PYM1: variants seen among roughly 807,000 people sequenced by gnomAD.
PYM1 encodes PYM1 exon junction complex associated factor.
In PYM1, 7 loss-of-function variants were observed where a neutral mutation model predicts 20.7. The observed-to-expected ratio is 0.34, with a 90% CI of 0.19 to 0.64. The LOEUF is 0.64. Ranked by LOEUF, PYM1 falls within the 30% of genes least tolerant of loss-of-function variation. PYM1 has a pLI of 0.74. For missense variants in PYM1, 194 were observed against 250.0 expected, an observed-to-expected ratio of 0.78 and a Z score of 1.51; for synonymous variants, 100 against 99.2, an observed-to-expected ratio of 1.01 and a Z score of -0.05.
intron 1 of PYM1, among the ~76,000 whole-genome samples, chr12:55,912,202 A>T (rs1441519890): frequency 1.3e-5 from 2 of 151,596 alleles, no homozygotes; most frequent in African/African-American, 2.4e-5. Flanking sequence ...AAAAAAAAAA[A>T]TTAGCTGGGC....
intron 1 of PYM1, among the ~76,000 whole-genome samples, chr12:55,911,987 G>C (rs775269914): frequency 5.9e-5 from 9 of 152,158 alleles, no homozygotes; most frequent in Non-Finnish European, 1.0e-4. Context: ...TAGTCCTCAT[G>C]TGGTAGGATC....
intron 1 of PYM1, among the ~76,000 whole-genome samples, chr12:55,906,157 T>C (rs1882812809): frequency 6.6e-6 from 1 of 150,858 alleles, no homozygotes; most frequent in African/African-American, 2.4e-5. Context: ...CAGTGTTTTT[T>C]TTTTTCAAGT....
intron 1 of PYM1, among the ~76,000 whole-genome samples, chr12:55,908,235 T>C (rs750640313): frequency 9.3e-5 from 14 of 150,228 alleles, no homozygotes; most frequent in Non-Finnish European, 1.6e-4. Context: ...AGAGAAAGAC[T>C]CCATCTCAAA....
At chr12:55,916,019 G>GA (rs1421652676) in intron 1 of PYM1, among the ~76,000 whole-genome samples, 3 of 152,182 alleles carry the variant, frequency 2.0e-5, no homozygotes, top group Non-Finnish European at 2.9e-5. Flanking sequence ...TACAGCCAAG[G>GA]AAACAGTCTT....
chr12:55,905,905 A>ATAGATATATATATTATTATATATATCTAT, intron 1 of PYM1, among the ~76,000 whole-genome samples: 1 of 65,920 alleles, frequency 1.5e-5, no homozygotes, highest in South Asian at 4.4e-4. Flanking sequence ...TATATATCTA[A>ATAGATATATATATTATTATATATATCTAT]TAGATATATA....
intron 1 of PYM1, among the ~76,000 whole-genome samples, chr12:55,905,381 C>G (rs1475514542): frequency 6.6e-6 from 1 of 151,724 alleles, no homozygotes; most frequent in Non-Finnish European, 1.5e-5. Flanking sequence ...TGGAAGCTAT[C>G]AAGCTCAGAA....
chr12:55,902,967 C>G (rs1054470457), intron 2 of PYM1, among the ~76,000 whole-genome samples: 5 of 151,842 alleles, frequency 3.3e-5, no homozygotes, highest in African/African-American at 1.2e-4. Flanking sequence ...ATTTTTAGTA[C>G]AGACGGGGTT....
intron 1 of PYM1, among the ~76,000 whole-genome samples, chr12:55,915,260 T>C (rs1457745394): frequency 7.2e-6 from 1 of 139,088 alleles, no homozygotes; most frequent in Non-Finnish European, 1.5e-5. Flanking sequence ...ATTAACAGTA[T>C]TAAATACTGC....
chr12:55,912,980 A>T (rs1882951079), intron 1 of PYM1, among the ~76,000 whole-genome samples: 1 of 152,112 alleles, frequency 6.6e-6, no homozygotes, highest in Non-Finnish European at 1.5e-5. Context: ...AAAAAAAAAA[A>T]ATAGAAACTA....
chr12:55,909,193 G>GA (rs1242960888), intron 1 of PYM1, among the ~76,000 whole-genome samples: 1 of 151,312 alleles, frequency 6.6e-6, no homozygotes, highest in African/African-American at 2.4e-5. Flanking sequence ...AAAAACCAAA[G>GA]AAAAAAAACT....
chr12:55,905,168 A>ATTT (rs779385773), intron 1 of PYM1, among the ~76,000 whole-genome samples: 2 of 136,238 alleles, frequency 1.5e-5, no homozygotes, highest in Non-Finnish European at 3.2e-5. Context: ...CACCTGGCTA[A>ATTT]TTTTTTTTTT....
chr12:55,926,308 C>T (rs898557203), intron 1 of PYM1, among the ~76,000 whole-genome samples: 1 of 152,184 alleles, frequency 6.6e-6, no homozygotes, highest in Non-Finnish European at 1.5e-5. Context: ...ACACATACAC[C>T]TTACATACAC....
At chr12:55,911,914 G>A (rs1276478220) in intron 1 of PYM1, among the ~76,000 whole-genome samples, 2 of 152,026 alleles carry the variant, frequency 1.3e-5, no homozygotes, top group African/African-American at 4.8e-5. Context: ...CTTATGGTTT[G>A]TAGGGCATGA....
In PYM1 at chr12:55,902,067, G is replaced by C. The variant is rs1882700586; in HGVS notation, c.420C>G (p.Asp140Glu). Residue 140 changes from aspartate to glutamate, a missense_variant, in exon 3 of 3, where the codon GAC (aspartate) becomes GAG (glutamate). By Grantham distance (45) the Asp-to-Glu change is conservative. This residue lies in a region of PYM1 where 158 missense variants were observed against 179.0 expected (regional missense o/e 0.88). Coordinates refer to ENST00000408946, the MANE Select transcript of PYM1 (RefSeq NM_032345.3). ...CAGTGGTGGCAGCTGAGTCAGGCTG[G>C]TCAGATGCAGCTGTGGGGGCTGCCC... ...GSRAAPTAAS[D>E]QPDSAATTEK... The C allele has an allele frequency of 6.2e-7, 1 of 1,613,998 alleles. No individual in the cohort carries two copies. The highest frequency in any genetic ancestry group is 8.5e-7 in the Non-Finnish European group (1 of 1,180,020).
At chr12:55,903,705 T>C (rs1882734787) in intron 1 of PYM1, among the ~76,000 whole-genome samples, 1 of 152,004 alleles carries the variant, frequency 6.6e-6, no homozygotes, top group South Asian at 2.1e-4. Flanking sequence ...AAGATTCTAT[T>C]TGTAGGTAAG....
intron 1 of PYM1, among the ~76,000 whole-genome samples, chr12:55,908,204 C>T (rs1440360141): frequency 6.7e-6 from 1 of 149,940 alleles, no homozygotes; most frequent in Non-Finnish European, 1.5e-5. Context: ...GATTGCACCG[C>T]TGCACTCCAA....
chr12:55,901,725 A>AGGCTCTGGAGGACAGAGCTGG lies in PYM1; in HGVS notation c.*126_*146dup, dbSNP rs1355036610. 19 of 1,141,066 alleles carry AGGCTCTGGAGGACAGAGCTGG rather than the reference A, an allele frequency of 1.7e-5. No homozygotes were observed. Among genetic ancestry groups the AGGCTCTGGAGGACAGAGCTGG allele is most frequent in the Non-Finnish European group, 2.2e-5 (18 of 811,222 alleles). 70.7% of individuals were successfully genotyped at this position (1,141,066 alleles called of 1,614,324 possible). A position where few individuals can be genotyped will look rare whatever the true frequency, so the allele number is the denominator to read the frequency against. ...AAAGGGAAGGATTGAGGGAGACGCT[A>AGGCTCTGGAGGACAGAGCTGG]GGCTCTGGAGGACAGAGCTGGGCCG... On this transcript the variant is annotated 3_prime_UTR_variant, in exon 3 of 3. Transcript: ENST00000408946.
chr12:55,927,373 C>T (rs771381525), intron 1 of PYM1: 1 of 719,870 alleles, frequency 1.4e-6, no homozygotes, highest in African/African-American at 1.7e-5. Context: ...AGAGAAGTTC[C>T]GAGGCACAGT....
chr12:55,926,345 C>T (rs1028148441), intron 1 of PYM1, among the ~76,000 whole-genome samples: 1 of 152,206 alleles, frequency 6.6e-6, no homozygotes, highest in African/African-American at 2.4e-5. Flanking sequence ...TCTCGGCCAG[C>T]CAGGCTGCAA....
Sources: gnomAD v4.1 joint callset for allele counts (sites outside exome capture counted in the v4.1 genomes callset) on GRCh38, gnomAD v4.1.1 for gene constraint, gnomAD v4.1.1 regional missense constraint, MANE v1.5 for transcripts, NCBI Gene and HGNC (gene_info 2026-07-23, HGNC 2026-07-21) for gene names.